UBE2Z: variants seen among roughly 807,000 people sequenced by gnomAD.
UBE2Z encodes ubiquitin-conjugating enzyme E2 Z.
A neutral mutation model predicts 32.6 loss-of-function variants in UBE2Z; 10 were observed. That is an observed-to-expected ratio of 0.31 (90% confidence interval 0.19 to 0.52). The LOEUF (loss-of-function observed/expected upper bound fraction) is 0.52. UBE2Z is among the 20% of genes least tolerant of loss of function. The probability of loss-of-function intolerance (pLI) is 0.97; values close to 1 mark genes in which losing one functional copy is unlikely to be tolerated. For missense variants in UBE2Z, 343 were observed against 480.9 expected, an observed-to-expected ratio of 0.71 and a Z score of 2.68; for synonymous variants, 183 against 190.8, an observed-to-expected ratio of 0.96 and a Z score of 0.34.
chr17:48,925,141 G>C (rs1376584229), intron 6 of UBE2Z, among the ~76,000 whole-genome samples: 1 of 151,976 alleles, frequency 6.6e-6, no homozygotes, highest in African/African-American at 2.4e-5. Context: ...AAATTAGCCA[G>C]ATGTAGTGGT....
At chr17:48,910,244 C>T (rs2040666480) in intron 1 of UBE2Z, 1 of 152,854 alleles carries the variant, frequency 6.5e-6, no homozygotes, top group South Asian at 2.0e-4. Context: ...GAGGATCCCT[C>T]CCCAGCCTGA....
Position 48,927,217 on chromosome 17 carries a change from G to C in UBE2Z, c.*83G>C. The C allele has an allele frequency of 7.0e-7, 1 of 1,428,576 alleles. No individual in the cohort carries two copies. The highest frequency in any genetic ancestry group is 9.6e-7 in the Non-Finnish European group (1 of 1,041,390). The allele number at this position is 1,428,576 out of a possible 1,614,324, so 88.5% of individuals were successfully genotyped here. A position where few individuals can be genotyped will look rare whatever the true frequency, so the allele number is the denominator to read the frequency against. On this transcript the variant is annotated 3_prime_UTR_variant, in exon 7 of 7. Coordinates refer to ENST00000360943, the MANE Select transcript of UBE2Z (RefSeq NM_023079.5). Reference sequence around the variant, plus strand: ...CACCCCAGGGATGGAGAGGCACTGTGTATCTCCCTCCAGACTCGAAGTCAT... The same window carrying C: ...CACCCCAGGGATGGAGAGGCACTGTCTATCTCCCTCCAGACTCGAAGTCAT...
Position 48,927,252 on chromosome 17 carries a change from TG to T in UBE2Z, c.*120del, listed in dbSNP as rs558437177. 2.9e-4 allele frequency: 334 copies of T among 1,144,918 alleles called. 10 individuals are homozygous for T. In the South Asian group the frequency reaches 4.8e-3, roughly 17 times the overall value. The allele number at this position is 1,144,918 out of a possible 1,614,324, so 70.9% of individuals were successfully genotyped here. A position where few individuals can be genotyped will look rare whatever the true frequency, so the allele number is the denominator to read the frequency against. On this transcript the variant is annotated 3_prime_UTR_variant, in exon 7 of 7. Transcript: ENST00000360943. ...CCAGACTCGAAGTCATCCTGCAAGA[TG>T]GCAAGAACCAAGCAAGCTCCGATCC... is the stretch of plus-strand genomic sequence containing the variant.
At chr17:48,917,802 C>A (rs2040730898) in intron 4 of UBE2Z, among the ~76,000 whole-genome samples, 1 of 152,062 alleles carries the variant, frequency 6.6e-6, no homozygotes, top group South Asian at 2.1e-4. Context: ...AGGATAGGAC[C>A]CCAGACTTAC....
intron 3 of UBE2Z, among the ~76,000 whole-genome samples, chr17:48,914,411 A>G (rs980835483): frequency 1.3e-5 from 2 of 152,232 alleles, no homozygotes; most frequent in Admixed American, 6.5e-5. Flanking sequence ...ACCCAGGGAT[A>G]TGTTCTGCTG....
At chr17:48,913,544 G>C (rs560641751) in intron 3 of UBE2Z, among the ~76,000 whole-genome samples, 89 of 152,236 alleles carry the variant, frequency 5.8e-4, no homozygotes, top group Non-Finnish European at 9.3e-4. Context: ...TAGTAGAGAC[G>C]GAGTTTCACC....
rs562174890 is a variant in UBE2Z at position 48,911,169 on chromosome 17, G to A, written c.390+289G>A. ...AGGGCATTCTTTCACTCTCAAAAAT[G>A]CTCCTGTTTGGATAATAAATTATAT... On this transcript the variant is annotated intron_variant, in intron 2 of 6. Coordinates refer to ENST00000360943, the MANE Select transcript of UBE2Z (RefSeq NM_023079.5). 6.9e-4 allele frequency: 258 copies of A among 376,498 alleles called. 2 individuals carry two copies. Among genetic ancestry groups the A allele is most frequent in the African/African-American group, 4.6e-3 (230 of 49,790 alleles). 23.3% of individuals were successfully genotyped at this position (376,498 alleles called of 1,614,324 possible).
chr17:48,916,342 G>C (rs1432926363), intron 4 of UBE2Z, among the ~76,000 whole-genome samples, 155 bp downstream of exon 4: 1 of 142,102 alleles, frequency 7.0e-6, no homozygotes, highest in Non-Finnish European at 1.5e-5. Flanking sequence ...TGCAACCTCC[G>C]CCTCCCGGGT....
rs1288787810 is a variant in UBE2Z at position 48,913,975 on chromosome 17, A to T, written c.578+954A>T. Among the ~76,000 whole-genome samples the T allele has an allele frequency of 2.0e-5, 3 of 152,102 alleles. No homozygotes were observed. The East Asian group carries it at 5.8e-4, about 29-fold the overall frequency. On this transcript the variant is annotated intron_variant, in intron 3 of 6. Transcript: ENST00000360943. ...TGGTCTTGAATTCTTGTCCTCAAGC[A>T]GTCGTCCTCTTGTGGCTCCCAAAGC...
chr17:48,928,856 C>G lies in UBE2Z; in HGVS notation c.*1722C>G, dbSNP rs2040815810. On this transcript the variant is annotated 3_prime_UTR_variant, in exon 7 of 7. Coordinates refer to ENST00000360943, the MANE Select transcript of UBE2Z (RefSeq NM_023079.5). The stretch of plus-strand genomic sequence containing the variant: ...TCATCCATTTAAGTGTTCCCACTTT[C>G]AAGTGACAATCCTCTCCTTGGCCCT... The G allele has an allele frequency of 6.5e-6, 1 of 152,698 alleles. No individual in the cohort carries two copies. The allele number at this position is 152,698 out of a possible 1,614,324, so 9.5% of individuals were successfully genotyped here. A position where few individuals can be genotyped will look rare whatever the true frequency, so the allele number is the denominator to read the frequency against.
At position 48,917,430 on chromosome 17, in the gene UBE2Z, G is replaced by T. The variant is rs1022595685; in HGVS notation, c.690+1243G>T. ...AAATTAATTCTGACCTGCTTTGGGG[G>T]TTGTGGCATCCAGTGGGTTCTATGT... On this transcript the variant is annotated intron_variant, in intron 4 of 6. Transcript: ENST00000360943. Among the ~76,000 whole-genome samples, 64 of 152,138 alleles carry T rather than the reference G, an allele frequency of 4.2e-4. 1 individual carries two copies. The highest frequency in any genetic ancestry group is 2.1e-4 in the South Asian group (1 of 4,834).
intron 4 of UBE2Z, among the ~76,000 whole-genome samples, chr17:48,919,049 G>A (rs910365217): frequency 1.3e-5 from 2 of 151,000 alleles, no homozygotes; most frequent in African/African-American, 4.9e-5. Flanking sequence ...GCCCAGCCTT[G>A]TGTTTTTTAT....
intron 3 of UBE2Z, among the ~76,000 whole-genome samples, chr17:48,913,717 C>T (rs1249071835): frequency 6.6e-6 from 1 of 152,142 alleles, no homozygotes; most frequent in Non-Finnish European, 1.5e-5. Flanking sequence ...CAGAACCACT[C>T]TCTTGGGGTG....
At chr17:48,925,941 T>A (rs1453910208) in intron 6 of UBE2Z, among the ~76,000 whole-genome samples, 1 of 152,236 alleles carries the variant, frequency 6.6e-6, no homozygotes, top group African/African-American at 2.4e-5. Flanking sequence ...GTTGTGTACC[T>A]TTTGGGGGCT....
In UBE2Z at chr17:48,921,154, T is replaced by G; in HGVS notation, c.691-6T>G. 3 of 1,606,032 alleles carry G rather than the reference T, an allele frequency of 1.9e-6. No homozygotes were observed. The highest frequency in any genetic ancestry group is 2.6e-6 in the Non-Finnish European group (3 of 1,175,966). On this transcript the variant is annotated splice_polypyrimidine_tract_variant and splice_region_variant and intron_variant, in intron 4 of 6. Transcript: ENST00000360943. ...TTGGAATACTCTGGCATCTGTTACA[T>G]TATAGGAGAGACATCCAGGAGACAG...
rs187280376 is a variant in UBE2Z at position 48,912,559 on chromosome 17, G to A, written c.391-275G>A. 155 of 412,066 alleles carry A rather than the reference G, an allele frequency of 3.8e-4. 1 individual carries two copies. The highest frequency in any genetic ancestry group is 2.7e-3 in the African/African-American group (136 of 51,022). 25.5% of individuals were successfully genotyped at this position (412,066 alleles called of 1,614,324 possible). On this transcript the variant is annotated intron_variant, in intron 2 of 6. Transcript: ENST00000360943. ...AGAGAGTTTTAGGGGATACTCAAGAGTGATTTTGACTAGATTCAGTTTTCG... is the reference window on the plus strand; with the variant it reads ...AGAGAGTTTTAGGGGATACTCAAGAATGATTTTGACTAGATTCAGTTTTCG...
chr17:48,915,958 A>G, intron 3 of UBE2Z, 118 bp from the exon 4 acceptor site: 1 of 533,508 alleles, frequency 1.9e-6, no homozygotes, highest in East Asian at 3.9e-5. Flanking sequence ...ATTCCAGAGT[A>G]TTAATAGTGA....
At chr17:48,911,623 T>A (rs1336248225) in intron 2 of UBE2Z, 2 of 152,264 alleles carry the variant, frequency 1.3e-5, no homozygotes, top group East Asian at 3.8e-4. Flanking sequence ...TTTTGTATTG[T>A]TGGTGTATCT....
At chr17:48,921,898 C>T (rs927812098) in intron 5 of UBE2Z, among the ~76,000 whole-genome samples, 3 of 152,090 alleles carry the variant, frequency 2.0e-5, no homozygotes, top group Non-Finnish European at 2.9e-5. Context: ...TGTGATGGCA[C>T]GCTCCTGCAG....
Sources: allele counts gnomAD v4.1 joint callset (sites outside exome capture counted in the v4.1 genomes callset), GRCh38; gene constraint gnomAD v4.1.1; transcripts MANE v1.5; gene names NCBI Gene and HGNC (gene_info 2026-07-23, HGNC 2026-07-21).